The following FBN1 variants were observed in gnomAD, a reference collection of about 807,000 sequenced individuals.
FBN1 encodes the protein fibrillin-1.
FBN1 carries 29 observed loss-of-function variants against 365.1 expected under a neutral mutation model. That is an observed-to-expected ratio of 0.08 (90% CI 0.06 to 0.11). The LOEUF is 0.11. Among genes scored for constraint, FBN1 ranks in the 10% least tolerant of loss-of-function variants. The pLI, the probability that FBN1 is intolerant of heterozygous loss-of-function variation, is 1.00. For synonymous variants in FBN1, 1,210 were observed against 1,270.5 expected, an observed-to-expected ratio of 0.95 and a Z score of 1.01; for missense variants, 2,476 against 3,703.2, an observed-to-expected ratio of 0.67 and a Z score of 8.60.
At chr15:48,478,189 T>C (rs1290587035) in intron 32 of FBN1, among the ~76,000 whole-genome samples, 1 of 152,210 alleles carries the variant, frequency 6.6e-6, no homozygotes, top group African/African-American at 2.4e-5. Flanking sequence ...CTTGGATTTC[T>C]TAATTTGGAT....
chr15:48,428,989 T>C (rs2043004730), intron 56 of FBN1, among the ~76,000 whole-genome samples: 2 of 152,192 alleles, frequency 1.3e-5, no homozygotes, highest in African/African-American at 4.8e-5. Context: ...GGATTATGCA[T>C]ATAAAAGCAA....
intron 62 of FBN1, 130 bp downstream of exon 62, chr15:48,421,428 A>C: frequency 9.1e-7 from 1 of 1,097,962 alleles, no homozygotes; most frequent in Non-Finnish European, 1.3e-6. Context: ...TGTGCACACT[A>C]TTTTAGCTGA....
At chr15:48,592,763 G>A (rs1335039309) in intron 6 of FBN1, among the ~76,000 whole-genome samples, 2 of 152,118 alleles carry the variant, frequency 1.3e-5, no homozygotes, top group Non-Finnish European at 2.9e-5. Context: ...TGCTCACAAG[G>A]GCTAATACCT....
rs763759308 is a variant in FBN1 at position 48,421,963 on chromosome 15, G to T, written c.7559C>A (p.Thr2520Lys). 7 of 1,609,154 alleles carry T rather than the reference G, an allele frequency of 4.4e-6. No homozygotes were observed. In the South Asian group the frequency reaches 6.6e-5, roughly 15 times the overall value. The change falls in exon 61 of 66, where the codon ACG becomes AAG. Residue 2520 changes from threonine (T) to lysine (K), a missense_variant. Thr to Lys is a moderately conservative substitution (Grantham distance 78, BLOSUM62 -1). Transcript: ENST00000316623. Reference protein sequence around the residue: ...KCPPGFTQHHTSCIDNNECTS... With the variant: ...KCPPGFTQHHKSCIDNNECTS... ...CCTCTCCTACTCACCAATGCAGGAC[G>T]TATGGTGTTGGGTAAATCCGGGAGG...
rs894500860 is a variant in FBN1 at position 48,507,583 on chromosome 15, G to A, written c.1837+999C>T. Among the ~76,000 whole-genome samples the A allele has an allele frequency of 3.3e-5, 5 of 152,178 alleles. No individual in the cohort carries two copies. The South Asian group carries it at 6.2e-4, about 19-fold the overall frequency. On this transcript the variant is annotated intron_variant, in intron 15 of 65. Transcript: ENST00000316623. The stretch of plus-strand genomic sequence containing the variant: ...GGCTTGAAGTTCTTTTAAGCCTGGA[G>A]AAAATGCACATCTTGCCAAGGACTT...
chr15:48,579,238 G>A (rs1237269998), intron 6 of FBN1, among the ~76,000 whole-genome samples: 1 of 152,046 alleles, frequency 6.6e-6, no homozygotes, highest in Admixed American at 6.6e-5. Context: ...CAGAGAATAA[G>A]AAGTTTTTCC....
intron 2 of FBN1, among the ~76,000 whole-genome samples, chr15:48,618,441 G>A (rs990325746): frequency 1.3e-5 from 2 of 152,104 alleles, no homozygotes; most frequent in Admixed American, 1.3e-4. Context: ...TTATTTTAGT[G>A]CCTTTATTCT....
intron 63 of FBN1, among the ~76,000 whole-genome samples, chr15:48,416,012 G>A (rs927579135): frequency 3.3e-5 from 5 of 152,150 alleles, no homozygotes; most frequent in Admixed American, 2.0e-4. Flanking sequence ...AATGCACCAG[G>A]CAGAGGGCAT....
chr15:48,465,533 C>A, intron 40 of FBN1, 35 bp downstream of exon 40: 2 of 1,613,214 alleles, frequency 1.2e-6, no homozygotes, highest in South Asian at 1.1e-5. Flanking sequence ...TTCTTGATAT[C>A]TGCAAGACCT....
intron 53 of FBN1, among the ~76,000 whole-genome samples, chr15:48,436,533 T>C (rs540128198): frequency 1.4e-4 from 21 of 152,304 alleles, no homozygotes; most frequent in Admixed American, 7.8e-4. Flanking sequence ...AAAAAAAAGA[T>C]TGTGTACTGG....
chr15:48,637,751 A>T (rs1162691795), intron 2 of FBN1, among the ~76,000 whole-genome samples: 1 of 152,222 alleles, frequency 6.6e-6, no homozygotes, highest in Non-Finnish European at 1.5e-5. Context: ...TCCTAGAGAT[A>T]AATAAAACAA....
rs1225777578 is a variant in FBN1, at chr15:48,496,313, A to C, written c.2294-88T>G. On this transcript the variant is annotated intron_variant, in intron 19 of 65. Coordinates refer to ENST00000316623, the MANE Select transcript of FBN1 (RefSeq NM_000138.5). ...TCTTTTACATTAGATCTTTAAAGTC[A>C]TAACGACGTGATCAATTCAAGCAAA... is the stretch of plus-strand genomic sequence containing the variant. 2.6e-6 allele frequency: 4 copies of C among 1,545,434 alleles called. No individual in the cohort carries two copies. In the African/African-American group the frequency reaches 5.5e-5, roughly 21 times the overall value.
chr15:48,477,858 T>C (rs1436566527), intron 32 of FBN1, among the ~76,000 whole-genome samples: 1 of 152,162 alleles, frequency 6.6e-6, no homozygotes, highest in Admixed American at 6.6e-5. Context: ...CAAACCTTTG[T>C]CACAAAGACT....
At chr15:48,575,200 A>G (rs778630063) in intron 6 of FBN1, among the ~76,000 whole-genome samples, 1 of 152,258 alleles carries the variant, frequency 6.6e-6, no homozygotes, top group Non-Finnish European at 1.5e-5. Context: ...TTGCTCTAGC[A>G]TGGACTTTAG....
chr15:48,557,444 A>C (rs893995854), intron 6 of FBN1, among the ~76,000 whole-genome samples: 10 of 152,186 alleles, frequency 6.6e-5, no homozygotes, highest in African/African-American at 2.4e-4. Flanking sequence ...GGAGCAACAG[A>C]AGGGGCAGCA....
chr15:48,550,049 G>A (rs1478124874), intron 6 of FBN1, among the ~76,000 whole-genome samples: 2 of 152,210 alleles, frequency 1.3e-5, no homozygotes, highest in Non-Finnish European at 2.9e-5. Context: ...ACAGTGCAGG[G>A]CTAGAACCTA....
chr15:48,644,374 A>G (rs566280690), intron 2 of FBN1: 1 of 627,026 alleles, frequency 1.6e-6, no homozygotes, highest in African/African-American at 1.8e-5. Flanking sequence ...TGCCTCAACA[A>G]TGGCCCAAGA....
intron 6 of FBN1, among the ~76,000 whole-genome samples, chr15:48,562,231 C>T (rs2044227205): frequency 6.6e-6 from 1 of 152,148 alleles, no homozygotes; most frequent in Admixed American, 6.5e-5. Flanking sequence ...AGTTCCTCTC[C>T]ACAGGTCCGT....
intron 56 of FBN1, among the ~76,000 whole-genome samples, chr15:48,428,953 G>A (rs1161755049): frequency 2.6e-5 from 4 of 152,160 alleles, no homozygotes; most frequent in Admixed American, 1.3e-4. Context: ...TTCTGGGGCC[G>A]ATTTCTAATG....
Sources: allele counts gnomAD v4.1 joint callset (sites outside exome capture counted in the v4.1 genomes callset), GRCh38; gene constraint gnomAD v4.1.1; transcripts MANE v1.5; gene names NCBI Gene and HGNC (gene_info 2026-07-23, HGNC 2026-07-21).